SOCS6: variants seen among roughly 807,000 people sequenced by gnomAD.
SOCS6 encodes suppressor of cytokine signaling 6.
SOCS6 carries 5 observed loss-of-function variants against 27.7 expected under a neutral mutation model. The ratio of observed to expected loss-of-function variants is 0.18; its 90% confidence interval spans 0.09 to 0.38. SOCS6 has a LOEUF of 0.38. Ranked by LOEUF, SOCS6 falls within the 10% of genes least tolerant of loss-of-function variation. The probability of loss-of-function intolerance (pLI) is 1.00; values close to 1 mark genes in which losing one functional copy is unlikely to be tolerated. For synonymous variants in SOCS6, 271 were observed against 260.0 expected (o/e 1.04, Z -0.41); for missense variants, 595 against 688.1 (o/e 0.86, Z 1.51).
At chr18:70,318,769 C>T (rs1168557780) in intron 1 of SOCS6, among the ~76,000 whole-genome samples, 4 of 152,008 alleles carry the variant, frequency 2.6e-5, no homozygotes, top group Non-Finnish European at 4.4e-5. Context: ...AACCCTGTCT[C>T]TACTAAAAAT....
intron 1 of SOCS6, among the ~76,000 whole-genome samples, 184 bp from the exon 2 acceptor site, chr18:70,324,358 AT>A (rs1199251549): frequency 6.7e-6 from 1 of 148,522 alleles, no homozygotes; most frequent in Non-Finnish European, 1.5e-5. Flanking sequence ...CCAAATGCTC[AT>A]TGTGTAGTAG....
At chr18:70,297,806 A>G (rs955052856) in intron 1 of SOCS6, among the ~76,000 whole-genome samples, 1 of 152,220 alleles carries the variant, frequency 6.6e-6, no homozygotes, top group South Asian at 2.1e-4. Context: ...TGTACATTTA[A>G]TAACAAATTT....
chr18:70,308,449 T>C (rs1600157349), intron 1 of SOCS6, among the ~76,000 whole-genome samples: 1 of 151,550 alleles, frequency 6.6e-6, no homozygotes, highest in African/African-American at 2.4e-5. Flanking sequence ...TTTGAATTCC[T>C]GGGCTCATGT....
intron 1 of SOCS6, among the ~76,000 whole-genome samples, chr18:70,293,805 T>A (rs2062311041): frequency 6.6e-6 from 1 of 151,986 alleles, no homozygotes; most frequent in Non-Finnish European, 1.5e-5. Context: ...GATAATGGAA[T>A]GAGATAGCCG....
chr18:70,324,976 C>A lies in SOCS6; in HGVS notation c.308C>A (p.Thr103Asn). 6.2e-7 allele frequency: 1 copy of A among 1,613,164 alleles called. No homozygotes were observed. Among genetic ancestry groups the A allele is most frequent in the South Asian group, 1.1e-5 (1 of 90,938 alleles). ...TPSGSSADED[T>N]FSSSSAPIVF... The stretch of plus-strand genomic sequence containing the variant: ...TCTGGGAGCTCTGCCGACGAGGACA[C>A]CTTCTCCTCCTCCTCAGCACCCATA... The change falls in exon 2 of 2, where the codon ACC becomes AAC. Residue 103 changes from threonine to asparagine, a missense_variant. By Grantham distance (65) the Thr-to-Asn change is moderately conservative (BLOSUM62 0). Around this residue, in one of 2 missense-constraint regions of SOCS6, gnomAD observed 467 missense variants for 481.1 expected, o/e 0.97. Coordinates refer to ENST00000397942, the MANE Select transcript of SOCS6 (RefSeq NM_004232.4).
rs934526914 is a variant in SOCS6 at position 70,327,013 on chromosome 18, A to C, written c.*737A>C. ...AATTGTAAAGAAATGTATACCACCA[A>C]TTTAGAAATTGTTGCCTTTTCTGTA... On this transcript the variant is annotated 3_prime_UTR_variant, in exon 2 of 2. Coordinates refer to ENST00000397942, the MANE Select transcript of SOCS6 (RefSeq NM_004232.4). 1.8e-5 allele frequency: 3 copies of C among 166,142 alleles called. No individual in the cohort carries two copies. Among genetic ancestry groups the C allele is most frequent in the South Asian group, 2.1e-4 (1 of 4,836 alleles). The allele number at this position is 166,142 out of a possible 1,614,324, so 10.3% of individuals were successfully genotyped here. A position where few individuals can be genotyped will look rare whatever the true frequency, so the allele number is the denominator to read the frequency against.
intron 1 of SOCS6, among the ~76,000 whole-genome samples, chr18:70,300,610 C>G (rs2062344203): frequency 6.6e-6 from 1 of 152,116 alleles, no homozygotes; most frequent in Non-Finnish European, 1.5e-5. Context: ...TAAGTCCGTA[C>G]ATATTTTTAT....
In SOCS6 at chr18:70,326,267, G is replaced by A. The variant is rs770696545; in HGVS notation, c.1599G>A (p.Lys533=). ...PNKMKDYLQE[K]HY is the part of the protein sequence containing the mutation. ...AAATGAAGGATTATTTACAGGAGAA[G>A]CACTACTGAAAGATTGAGAACCCTG... Residue 533 remains lysine, a synonymous_variant, in exon 2 of 2, where the codon AAG becomes AAA. Coordinates refer to ENST00000397942, the MANE Select transcript of SOCS6 (RefSeq NM_004232.4). The A allele has an allele frequency of 5.6e-6, 9 of 1,611,178 alleles. No homozygotes were observed. The highest frequency in any genetic ancestry group is 2.2e-5 in the East Asian group (1 of 44,882).
intron 1 of SOCS6, among the ~76,000 whole-genome samples, chr18:70,303,246 ACT>A (rs1433264287): frequency 6.6e-6 from 1 of 152,160 alleles, no homozygotes; most frequent in African/African-American, 2.4e-5. Context: ...GTTATTTATA[ACT>A]CTGTATAAAT....
chr18:70,289,824 AC>A (rs951175770), intron 1 of SOCS6, among the ~76,000 whole-genome samples: 1 of 152,188 alleles, frequency 6.6e-6, no homozygotes, highest in Non-Finnish European at 1.5e-5. Context: ...TGGGACCGAC[AC>A]GGGCCTGAAT....
chr18:70,325,564 G>T lies in SOCS6; in HGVS notation c.896G>T (p.Ser299Ile), dbSNP rs1911172594. The change falls in exon 2 of 2, where the codon AGC (serine) becomes ATC (isoleucine). Residue 299 changes from serine (S) to isoleucine (I), a missense_variant. By Grantham distance (142) the Ser-to-Ile change is moderately radical. Coordinates refer to ENST00000397942, the MANE Select transcript of SOCS6 (RefSeq NM_004232.4). The surrounding 1 kb of genome is among the most constrained non-coding windows in gnomAD (Gnocchi z 6.3). ...GGCACCACGGGAGTCATGTTGCAGAGCCCGAGAGCGGGTCACGATGATGTC... is the reference window on the plus strand; with the variant it reads ...GGCACCACGGGAGTCATGTTGCAGATCCCGAGAGCGGGTCACGATGATGTC... ...LIGTTGVMLQ[S>I]PRAGHDDVPP... 1 of 1,614,040 alleles carries T rather than the reference G, an allele frequency of 6.2e-7. No homozygotes were observed. The highest frequency in any genetic ancestry group is 8.5e-7 in the Non-Finnish European group (1 of 1,180,046).
rs201603942 is a variant in SOCS6, at chr18:70,298,194, CT to C, written c.-127+9107del. Among the ~76,000 whole-genome samples the C allele has an allele frequency of 8.8e-3, 1,337 of 152,162 alleles. 9 individuals carry two copies. Among genetic ancestry groups the C allele is most frequent in the Middle Eastern group, 0.02 (6 of 294 alleles). ...AAGCAATGAAGAAACTATTAAAACA[CT>C]TTGCTACAGTACAGAATAAAAACAA... On this transcript the variant is annotated intron_variant, in intron 1 of 1. Transcript: ENST00000397942.
intron 1 of SOCS6, among the ~76,000 whole-genome samples, chr18:70,301,197 A>G (rs536083579): frequency 1.5e-4 from 23 of 152,196 alleles, no homozygotes; most frequent in Non-Finnish European, 3.2e-4. Context: ...AGTAGTAGCC[A>G]CAGTGTCAGC....
intron 1 of SOCS6, among the ~76,000 whole-genome samples, chr18:70,311,764 T>G (rs2062391863): frequency 1.3e-5 from 2 of 152,350 alleles, no homozygotes; most frequent in African/African-American, 4.8e-5. Flanking sequence ...TAATGTGTAG[T>G]GGGCATCTCG....
chr18:70,308,089 G>C (rs966767422), intron 1 of SOCS6, among the ~76,000 whole-genome samples: 1 of 152,148 alleles, frequency 6.6e-6, no homozygotes, highest in African/African-American at 2.4e-5. Context: ...TGGTTATTTA[G>C]AAGTGTTTTG....
At chr18:70,321,312 G>GGTTTT in intron 1 of SOCS6, among the ~76,000 whole-genome samples, 1 of 68,676 alleles carries the variant, frequency 1.5e-5, no homozygotes, top group South Asian at 7.4e-4. Flanking sequence ...AATTTTCTCA[G>GGTTTT]TTTTTTTTTT....
intron 1 of SOCS6, among the ~76,000 whole-genome samples, chr18:70,316,774 G>A (rs1002881043): frequency 1.3e-5 from 2 of 151,884 alleles, no homozygotes; most frequent in East Asian, 1.9e-4. Flanking sequence ...CTAGGGACTC[G>A]TGTACTTTAA....
At chr18:70,289,377 G>A (rs2062287840) in intron 1 of SOCS6, among the ~76,000 whole-genome samples, 2 of 148,048 alleles carry the variant, frequency 1.4e-5, no homozygotes, top group African/African-American at 4.9e-5. Flanking sequence ...AGCCGGGGCC[G>A]GGGCGCGGCG....
chr18:70,326,048 T>C lies in SOCS6; in HGVS notation c.1380T>C (p.His460=). ...GHTSIVDLIE[H]SIRDSENGAF... ...CGTCCATAGTTGATCTAATTGAGCA[T>C]TCAATCAGGGACTCTGAAAATGGAG... The change falls in exon 2 of 2, where the codon CAT becomes CAC. Residue 460 remains histidine, a synonymous_variant. Coordinates refer to ENST00000397942, the MANE Select transcript of SOCS6 (RefSeq NM_004232.4). 1 of 1,614,210 alleles carries C rather than the reference T, an allele frequency of 6.2e-7. No individual in the cohort carries two copies. Among genetic ancestry groups the C allele is most frequent in the Middle Eastern group, 1.6e-4 (1 of 6,062 alleles).
Sources: gnomAD v4.1 joint callset for allele counts (sites outside exome capture counted in the v4.1 genomes callset) on GRCh38, gnomAD v4.1.1 for gene constraint, gnomAD v4.1.1 regional missense constraint, Gnocchi (gnomAD v3.1) non-coding constraint, MANE v1.5 for transcripts, NCBI Gene and HGNC (gene_info 2026-07-23, HGNC 2026-07-21) for gene names.